The following RAP1GAP2 variants were observed in gnomAD, a reference collection of about 807,000 sequenced individuals.
RAP1GAP2 encodes the protein RAP1 GTPase activating protein 2, also known as rap1 GTPase-activating protein 2.
Under a neutral mutation model 95.0 loss-of-function variants are expected in RAP1GAP2, and 27 were observed. The ratio of observed to expected loss-of-function variants is 0.28; its 90% CI spans 0.21 to 0.39. RAP1GAP2 has a LOEUF of 0.39. Among genes scored for constraint, RAP1GAP2 ranks in the 10% least tolerant of loss-of-function variants. The pLI is 1.00. For synonymous variants in RAP1GAP2, 373 were observed against 380.9 expected (o/e 0.98, Z 0.24); for missense variants, 771 against 970.0 (o/e 0.79, Z 2.72).
At chr17:2,886,669 G>C (rs1322577281) in intron 2 of RAP1GAP2, among the ~76,000 whole-genome samples, 1 of 152,170 alleles carries the variant, frequency 6.6e-6, no homozygotes, top group Admixed American at 6.5e-5. Flanking sequence ...AGCTTTGCTT[G>C]TGGACTTCAG....
At chr17:3,013,627 CTTTTCTTTTTT>C (rs1334433078) in intron 17 of RAP1GAP2, among the ~76,000 whole-genome samples, 31 of 78,932 alleles carry the variant, frequency 3.9e-4, no homozygotes, top group African/African-American at 1.6e-3. Context: ...CTTTTCTTTT[CTTTTCTTTTTT>C]TTTTTTTTTT....
At chr17:3,002,401 G>A (rs1348883007) in intron 14 of RAP1GAP2, among the ~76,000 whole-genome samples, 1 of 152,204 alleles carries the variant, frequency 6.6e-6, no homozygotes, top group Non-Finnish European at 1.5e-5. Flanking sequence ...CACTGAGGCT[G>A]GAAGGCCAGA....
intron 11 of RAP1GAP2, among the ~76,000 whole-genome samples, chr17:2,990,923 C>T (rs1042051389): frequency 5.3e-5 from 8 of 150,764 alleles, no homozygotes; most frequent in African/African-American, 1.5e-4. Context: ...TGGCTCACTG[C>T]AACCTCCGCT....
chr17:2,853,052 A>G (rs1173091761), intron 2 of RAP1GAP2, among the ~76,000 whole-genome samples: 1 of 151,664 alleles, frequency 6.6e-6, no homozygotes, highest in African/African-American at 2.4e-5. Flanking sequence ...GTCGCCGTGA[A>G]GTTGGTTATT....
intron 12 of RAP1GAP2, among the ~76,000 whole-genome samples, chr17:2,994,899 C>T (rs1272898020): frequency 6.6e-6 from 1 of 152,132 alleles, no homozygotes; most frequent in African/African-American, 2.4e-5. Flanking sequence ...CTGCAACCTC[C>T]ACCTCCTGGG....
chr17:2,938,515 C>A (rs1266227719), intron 3 of RAP1GAP2, among the ~76,000 whole-genome samples: 1 of 152,180 alleles, frequency 6.6e-6, no homozygotes, highest in Non-Finnish European at 1.5e-5. Context: ...CTTCTCCTTC[C>A]CCACAGCACC....
chr17:2,764,801 G>T (rs1407768794), intron 1 of RAP1GAP2, among the ~76,000 whole-genome samples: 1 of 152,162 alleles, frequency 6.6e-6, no homozygotes, highest in Non-Finnish European at 1.5e-5. Context: ...TAGTCACATG[G>T]TTCTCATTCA....
intron 3 of RAP1GAP2, among the ~76,000 whole-genome samples, chr17:2,926,069 G>T (rs750837851): frequency 6.6e-6 from 1 of 151,372 alleles, no homozygotes; most frequent in Non-Finnish European, 1.5e-5. Flanking sequence ...GAACCCAGGA[G>T]GCAGAGGTTG....
At chr17:2,945,036 G>A (rs4790392) in intron 3 of RAP1GAP2, among the ~76,000 whole-genome samples, 134,343 of 152,040 alleles carry the variant, frequency 0.88, 60,205 homozygotes, top group Non-Finnish European at 0.96. Context: ...ACCACGCCCG[G>A]CTGATTTTTT....
chr17:2,860,040 G>A (rs911302281), intron 2 of RAP1GAP2, among the ~76,000 whole-genome samples: 3 of 151,774 alleles, frequency 2.0e-5, no homozygotes, highest in African/African-American at 4.8e-5. Flanking sequence ...ACCTGGTATC[G>A]GGAGATTACC....
chr17:2,787,014 GA>G (rs2068798501), intron 1 of RAP1GAP2, among the ~76,000 whole-genome samples: 1 of 139,044 alleles, frequency 7.2e-6, no homozygotes, highest in South Asian at 2.3e-4. Context: ...GCAGGGGCGC[GA>G]TCTCTGCTCA....
At chr17:2,929,310 G>A (rs2043065066) in intron 3 of RAP1GAP2, among the ~76,000 whole-genome samples, 1 of 152,218 alleles carries the variant, frequency 6.6e-6, no homozygotes, top group Non-Finnish European at 1.5e-5. Context: ...AAGAGGCTGT[G>A]GAGGGGGCAG....
chr17:2,862,301 G>A (rs75712510), intron 2 of RAP1GAP2, among the ~76,000 whole-genome samples: 1 of 152,272 alleles, frequency 6.6e-6, no homozygotes, highest in African/African-American at 2.4e-5. Context: ...CTGAATTAGT[G>A]GACAGTCGCC....
At chr17:2,994,469 G>A (rs1412752337) in intron 12 of RAP1GAP2, among the ~76,000 whole-genome samples, 3 of 152,168 alleles carry the variant, frequency 2.0e-5, no homozygotes, top group African/African-American at 7.2e-5. Flanking sequence ...CCAGAGAAGG[G>A]ACTTCCCTGG....
At chr17:2,945,608 C>CTTT (rs542891688) in intron 3 of RAP1GAP2, among the ~76,000 whole-genome samples, 5 of 140,784 alleles carry the variant, frequency 3.6e-5, no homozygotes. Flanking sequence ...TTAGCTATGT[C>CTTT]TTTTTTTTTT....
At chr17:2,817,818 G>A (rs1384927574) in intron 2 of RAP1GAP2, among the ~76,000 whole-genome samples, 1 of 120,146 alleles carries the variant, frequency 8.3e-6, no homozygotes, top group Non-Finnish European at 2.0e-5. Flanking sequence ...ACTGCGTCTG[G>A]CCTCTATGTT....
intron 8 of RAP1GAP2, among the ~76,000 whole-genome samples, chr17:2,971,141 C>T (rs1489896901): frequency 6.6e-6 from 1 of 152,126 alleles, no homozygotes; most frequent in Non-Finnish European, 1.5e-5. Context: ...TTCTGAACCA[C>T]AAAGTAAAAC....
chr17:2,959,469 C>T (rs776883815), intron 4 of RAP1GAP2, among the ~76,000 whole-genome samples: 3 of 152,216 alleles, frequency 2.0e-5, no homozygotes, highest in African/African-American at 4.8e-5. Flanking sequence ...CCCCTGGGCC[C>T]AGCCTCAGAG....
intron 2 of RAP1GAP2, among the ~76,000 whole-genome samples, chr17:2,840,300 A>T (rs1257284338): frequency 6.6e-6 from 1 of 151,636 alleles, no homozygotes; most frequent in Non-Finnish European, 1.5e-5. Context: ...AGTAGCTGGG[A>T]TTACAGGCGC....
Sources: allele counts gnomAD v4.1 joint callset (sites outside exome capture counted in the v4.1 genomes callset), GRCh38; gene constraint gnomAD v4.1.1; transcripts MANE v1.5; gene names NCBI Gene and HGNC (gene_info 2026-07-23, HGNC 2026-07-21).